Variants in FAT1 observed in about 807,000 individuals in gnomAD.
The protein encoded by FAT1 is FAT atypical cadherin 1.
Under a neutral mutation model 329.8 loss-of-function variants are expected in FAT1, and 171 were observed. That is an observed-to-expected ratio of 0.52 (90% confidence interval 0.46 to 0.59). The LOEUF (loss-of-function observed/expected upper bound fraction) is 0.59. Among genes scored for constraint, FAT1 ranks in the 20% least tolerant of loss-of-function variants. The pLI is 0.00. For missense variants in FAT1, 5,672 were observed against 5,774.4 expected, an observed-to-expected ratio of 0.98 and a Z score of 0.57; for synonymous variants, 2,233 against 2,228.6, an observed-to-expected ratio of 1.00 and a Z score of -0.06.
intron 3 of FAT1, among the ~76,000 whole-genome samples, chr4:186,651,062 T>C (rs623503): frequency 1.7e-3 from 60 of 34,750 alleles, no homozygotes; most frequent in East Asian, 9.8e-3. Flanking sequence ...AATAATTTAT[T>C]TATTATTAAT....
At chr4:186,589,379 C>A (rs1350345838) in intron 26 of FAT1, among the ~76,000 whole-genome samples, 159 bp from the exon 27 acceptor site, 2 of 152,130 alleles carry the variant, frequency 1.3e-5, no homozygotes, top group Non-Finnish European at 2.9e-5. Context: ...TGAAGACATC[C>A]CCCAACCCAC....
rs188148421 is a variant in FAT1, at chr4:186,606,089, T to C, written c.10331A>G (p.Asn3444Ser). ...NDNAPVFSRG[N>S]YSVIIQENKP... ...GCCCACCTGGATAATGACACTGTAG[T>C]TTCCCCTGGAGAAGACGGGCGCGTT... Residue 3444 changes from asparagine to serine, a missense_variant, in exon 17 of 27, where the codon AAC (asparagine) becomes AGC (serine). Physicochemically the swap from Asn to Ser is conservative, Grantham distance 46. Transcript: ENST00000441802. 2.2e-4 allele frequency: 354 copies of C among 1,612,896 alleles called. 6 individuals carry two copies. The East Asian group carries it at 7.7e-3, about 35-fold the overall frequency.
chr4:186,639,911 G>T, intron 3 of FAT1, 128 bp from the exon 4 acceptor site: 1 of 711,858 alleles, frequency 1.4e-6, no homozygotes, highest in Non-Finnish European at 2.4e-6. Context: ...GGAGGCCCAG[G>T]GGGGTGGATT....
intron 1 of FAT1, among the ~76,000 whole-genome samples, chr4:186,715,866 TA>T (rs1341326157): frequency 6.6e-6 from 1 of 152,240 alleles, no homozygotes; most frequent in East Asian, 1.9e-4. Flanking sequence ...TGAAAATCTA[TA>T]AATACGGCAG....
At chr4:186,676,574 G>A (rs1046060288) in intron 2 of FAT1, among the ~76,000 whole-genome samples, 3 of 152,194 alleles carry the variant, frequency 2.0e-5, no homozygotes, top group Admixed American at 6.5e-5. Flanking sequence ...ACTGCAAAGT[G>A]TGTTCCAGCA....
At chr4:186,695,683 T>A (rs1743991392) in intron 2 of FAT1, among the ~76,000 whole-genome samples, 1 of 152,098 alleles carries the variant, frequency 6.6e-6, no homozygotes, top group Non-Finnish European at 1.5e-5. Context: ...TTCAGCCTTA[T>A]ATTCTGGTGG....
chr4:186,707,591 G>T lies in FAT1; in HGVS notation c.2237C>A (p.Thr746Asn). 5.0e-6 allele frequency: 8 copies of T among 1,613,992 alleles called. No individual in the cohort carries two copies. The highest frequency in any genetic ancestry group is 5.9e-6 in the Non-Finnish European group (7 of 1,179,890). Residue 746 changes from threonine (T) to asparagine (N), a missense_variant, in exon 2 of 27, where the codon ACT (threonine) becomes AAT (asparagine). Thr to Asn is a moderately conservative substitution (Grantham distance 65). This residue lies in a region of FAT1 where 3,966 missense variants were observed against 3,915.2 expected (regional missense o/e 1.01). Coordinates refer to ENST00000441802, the MANE Select transcript of FAT1 (RefSeq NM_005245.4). ...VIFMNSTDLD[T>N]GFNGKLVYAV... ...ATAGACCAGTTTTCCATTGAAGCCA[G>T]TGTCAAGGTCAGTGGAGTTCATGAA...
At chr4:186,691,603 G>T (rs548126697) in intron 2 of FAT1, among the ~76,000 whole-genome samples, 1 of 152,022 alleles carries the variant, frequency 6.6e-6, no homozygotes, top group South Asian at 2.1e-4. Context: ...TGAGGAGTTC[G>T]AGACCAGCCT....
At chr4:186,623,800 C>A (rs1018566243) in intron 9 of FAT1, among the ~76,000 whole-genome samples, 7 of 152,254 alleles carry the variant, frequency 4.6e-5, no homozygotes, top group African/African-American at 1.7e-4. Flanking sequence ...TGTCTCATCG[C>A]CCTGTGTTTT....
chr4:186,607,624 T>C (rs79185746), intron 16 of FAT1, among the ~76,000 whole-genome samples: 10,724 of 151,132 alleles, frequency 0.071, 377 homozygotes, highest in Middle Eastern at 0.12. Flanking sequence ...GATGGGTAAG[T>C]GAATAGATAT....
chr4:186,715,223 C>G (rs13150774), intron 1 of FAT1, among the ~76,000 whole-genome samples: 74,079 of 151,424 alleles, frequency 0.49, 19,187 homozygotes, highest in Non-Finnish European at 0.59. Context: ...TCTCCCCATG[C>G]TGTCCCAGGT....
At position 186,604,558 on chromosome 4, in the gene FAT1, C is replaced by T. The variant is rs2126440188; in HGVS notation, c.10367G>A (p.Gly3456Asp). The change falls in exon 18 of 27, where the codon GGC becomes GAC. Residue 3456 changes from glycine to aspartate, a missense_variant. Gly to Asp is a moderately conservative substitution (Grantham distance 94, BLOSUM62 -1). Coordinates refer to ENST00000441802, the MANE Select transcript of FAT1 (RefSeq NM_005245.4). Reference sequence around the variant, plus strand: ...TACTACCAGCTGCAGCACGCTGAAGCCCACTGGCTTATTTTCCTGCACAAG... The same window carrying T: ...TACTACCAGCTGCAGCACGCTGAAGTCCACTGGCTTATTTTCCTGCACAAG... ...SVIIQENKPV[G>D]FSVLQLVVTD... 6.2e-7 allele frequency: 1 copy of T among 1,606,526 alleles called. No homozygotes were observed. Among genetic ancestry groups the T allele is most frequent in the Non-Finnish European group, 8.5e-7 (1 of 1,177,282 alleles).
At chr4:186,637,804 G>C (rs1255154386) in intron 4 of FAT1, among the ~76,000 whole-genome samples, 3 of 152,340 alleles carry the variant, frequency 2.0e-5, no homozygotes, top group Non-Finnish European at 4.4e-5. Flanking sequence ...CAAGGAGACT[G>C]AAGTCTGGCA....
At chr4:186,592,881 C>A in intron 26 of FAT1, 1 of 401,054 alleles carries the variant, frequency 2.5e-6, no homozygotes, top group Non-Finnish European at 5.0e-6. Context: ...TTAATACAAC[C>A]ACATAATGAT....
chr4:186,700,776 C>T (rs1744269844), intron 2 of FAT1, among the ~76,000 whole-genome samples: 2 of 152,166 alleles, frequency 1.3e-5, no homozygotes, highest in Admixed American at 6.5e-5. Context: ...AGAGTCCACC[C>T]GGTGGTTGTG....
At position 186,617,904 on chromosome 4, in the gene FAT1, T is replaced by C; in HGVS notation, c.8682A>G (p.Glu2894=). Residue 2894 remains glutamate, a synonymous_variant, in exon 10 of 27, where the codon GAA becomes GAG. Transcript: ENST00000441802. Reference sequence around the variant, plus strand: ...TGGCTGTGGAGGATAGCTGGATCTTTTCACCATGATCTGATGCAACCACTT... The same window carrying C: ...TGGCTGTGGAGGATAGCTGGATCTTCTCACCATGATCTGATGCAACCACTT... ...QIKVVASDHG[E]KIQLSSTAIV... 6.2e-7 allele frequency: 1 copy of C among 1,614,022 alleles called. No individual in the cohort carries two copies. The highest frequency in any genetic ancestry group is 8.5e-7 in the Non-Finnish European group (1 of 1,179,904).
intron 4 of FAT1, among the ~76,000 whole-genome samples, chr4:186,638,812 A>G (rs1488346297): frequency 6.7e-6 from 1 of 149,678 alleles, no homozygotes; most frequent in East Asian, 1.9e-4. Flanking sequence ...GTGGAAGAAG[A>G]GCACTGATAA....
At chr4:186,660,512 G>C (rs1439270978) in intron 3 of FAT1, among the ~76,000 whole-genome samples, 1 of 152,144 alleles carries the variant, frequency 6.6e-6, no homozygotes, top group Non-Finnish European at 1.5e-5. Context: ...ACTAACTATG[G>C]TATCCTCCAC....
At chr4:186,647,705 T>C (rs1037929982) in intron 3 of FAT1, among the ~76,000 whole-genome samples, 4 of 152,212 alleles carry the variant, frequency 2.6e-5, no homozygotes, top group South Asian at 2.1e-4. Context: ...CACCCGATGA[T>C]GTCTCTGAAA....
Sources: allele counts gnomAD v4.1 joint callset (sites outside exome capture counted in the v4.1 genomes callset), GRCh38; gene constraint gnomAD v4.1.1; regional missense constraint gnomAD v4.1.1; transcripts MANE v1.5; gene names NCBI Gene and HGNC (gene_info 2026-07-23, HGNC 2026-07-21).